Variants in TIMM29 observed in about 807,000 individuals in gnomAD.
TIMM29 encodes mitochondrial import inner membrane translocase subunit Tim29.
A neutral mutation model predicts 19.5 loss-of-function variants in TIMM29; 23 were observed. That is an observed-to-expected ratio of 1.18 (90% CI 0.85 to 1.67). The LOEUF (loss-of-function observed/expected upper bound fraction) is 1.67. Among genes scored for constraint, TIMM29 ranks in the 40% most tolerant of loss-of-function variants. The pLI, the probability that TIMM29 is intolerant of heterozygous loss-of-function variation, is 0.00. For synonymous variants in TIMM29, 209 were observed against 185.0 expected (o/e 1.13, Z -1.05); for missense variants, 404 against 384.7 (o/e 1.05, Z -0.42).
chr19:10,929,667 GC>G lies in TIMM29; in HGVS notation c.751del (p.His251ThrfsTer38). The G allele has an allele frequency of 6.2e-7, 1 of 1,611,552 alleles. No individual in the cohort carries two copies. The highest frequency in any genetic ancestry group is 8.5e-7 in the Non-Finnish European group (1 of 1,179,018). ...EKKDRLALSQ[A>X]HSLVQAEAPR ...GAAGGACAGGCTCGCCCTGAGCCAG[GC>G]CCACTCGCTGGTGCAGGCGGAGGCC... On this transcript the variant is annotated frameshift_variant, in exon 2 of 2. Coordinates refer to ENST00000270502, the MANE Select transcript of TIMM29 (RefSeq NM_138358.4). LOFTEE classifies it low-confidence loss of function (END_TRUNC).
Position 10,929,296 on chromosome 19 carries a change from A to C in TIMM29, c.377A>C (p.Asn126Thr). 2 of 1,544,798 alleles carry C rather than the reference A, an allele frequency of 1.3e-6. No individual in the cohort carries two copies. The highest frequency in any genetic ancestry group is 1.7e-6 in the Non-Finnish European group (2 of 1,149,458). ...GGCCGTGGCCGCCTGCGCTACGTCA[A>C]CCTGGGGCTCTGCTCGCTGGTGTAC... ...LRGRGRLRYV[N>T]LGLCSLVYEA... is the part of the protein sequence containing the mutation. The change falls in exon 2 of 2, where the codon AAC (asparagine) becomes ACC (threonine). Residue 126 changes from asparagine (N) to threonine (T), a missense_variant. By Grantham distance (65) the Asn-to-Thr change is moderately conservative. Coordinates refer to ENST00000270502, the MANE Select transcript of TIMM29 (RefSeq NM_138358.4).
At position 10,929,328 on chromosome 19, in the gene TIMM29, C is replaced by T; in HGVS notation, c.409C>T (p.Pro137Ser). 1.9e-6 allele frequency: 3 copies of T among 1,561,254 alleles called. No homozygotes were observed. Among genetic ancestry groups the T allele is most frequent in the Non-Finnish European group, 2.6e-6 (3 of 1,158,382 alleles). ...LGLCSLVYEA[P>S]FDAQASLYQA... ...GCTCTGCTCGCTGGTGTACGAGGCG[C>T]CCTTCGACGCCCAGGCCAGCCTCTA... Residue 137 changes from proline (P) to serine (S), a missense_variant, in exon 2 of 2, where the codon CCC becomes TCC. Pro to Ser is a moderately conservative substitution (Grantham distance 74). Transcript: ENST00000270502.
chr19:10,930,105 T>C lies in TIMM29; in HGVS notation c.*403T>C, dbSNP rs2145289742. On this transcript the variant is annotated 3_prime_UTR_variant, in exon 2 of 2. Transcript: ENST00000270502. ...TGGCCTGGCATGGTGATGTCTGTAA[T>C]CCCAGCAGTTTGCAAACTGAGGCAA... The C allele has an allele frequency of 6.0e-6, 1 of 166,234 alleles. No homozygotes were observed. The highest frequency in any genetic ancestry group is 1.3e-5 in the Non-Finnish European group (1 of 77,340). 10.3% of individuals were successfully genotyped at this position (166,234 alleles called of 1,614,324 possible).
In TIMM29 at chr19:10,929,362, G is replaced by A. The variant is rs201384798; in HGVS notation, c.443G>A (p.Arg148His). 1.3e-6 allele frequency: 2 copies of A among 1,592,076 alleles called. No homozygotes were observed. The highest frequency in any genetic ancestry group is 1.7e-5 in the Admixed American group (1 of 57,218). The change falls in exon 2 of 2, where the codon CGT (arginine) becomes CAT (histidine). Residue 148 changes from arginine (R) to histidine (H), a missense_variant. Coordinates refer to ENST00000270502, the MANE Select transcript of TIMM29 (RefSeq NM_138358.4). ...FDAQASLYQA[R>H]CRYLQPRWTD... is the part of the protein sequence containing the mutation. ...GCCCAGGCCAGCCTCTACCAGGCGCGTTGCCGCTACCTGCAGCCCCGCTGG... is the reference window on the plus strand; with the variant it reads ...GCCCAGGCCAGCCTCTACCAGGCGCATTGCCGCTACCTGCAGCCCCGCTGG...
At position 10,929,559 on chromosome 19, in the gene TIMM29, G is replaced by A. The variant is rs544129891; in HGVS notation, c.640G>A (p.Asp214Asn). The A allele has an allele frequency of 1.2e-6, 2 of 1,613,042 alleles. No individual in the cohort carries two copies. The highest frequency in any genetic ancestry group is 1.3e-5 in the African/African-American group (1 of 75,056). The change falls in exon 2 of 2, where the codon GAT (aspartate) becomes AAT (asparagine). Residue 214 changes from aspartate (D) to asparagine (N), a missense_variant. Physicochemically the swap from Asp to Asn is conservative, Grantham distance 23. Coordinates refer to ENST00000270502, the MANE Select transcript of TIMM29 (RefSeq NM_138358.4). Reference protein sequence around the residue: ...LHSETNERLFDEKYKPVVLTD... With the variant: ...LHSETNERLFNEKYKPVVLTD... ...TTCCGAGACCAACGAGCGGCTCTTC[G>A]ATGAGAAGTACAAGCCTGTCGTGCT...
rs762059274 is a variant in TIMM29 at position 10,929,502 on chromosome 19, C to T, written c.583C>T (p.His195Tyr). The change falls in exon 2 of 2, where the codon CAT becomes TAT. Residue 195 changes from histidine to tyrosine, a missense_variant. Physicochemically the swap from His to Tyr is moderately conservative, Grantham distance 83. Coordinates refer to ENST00000270502, the MANE Select transcript of TIMM29 (RefSeq NM_138358.4). Reference protein sequence around the residue: ...NDDEFLHLPAHLRVVGPQQLH... With the variant: ...NDDEFLHLPAYLRVVGPQQLH... Reference sequence around the variant, plus strand: ...CGACGAATTCCTGCACCTGCCGGCGCATTTGCGGGTGGTCGGGCCCCAGCA... The same window carrying T: ...CGACGAATTCCTGCACCTGCCGGCGTATTTGCGGGTGGTCGGGCCCCAGCA... 6.2e-7 allele frequency: 1 copy of T among 1,613,110 alleles called. No individual in the cohort carries two copies. Among genetic ancestry groups the T allele is most frequent in the South Asian group, 1.1e-5 (1 of 91,090 alleles).
rs2083471040 is a variant in TIMM29 at position 10,929,097 on chromosome 19, GC to G, written c.180del (p.Ala61LeufsTer187). 1.4e-6 allele frequency: 2 copies of G among 1,456,766 alleles called. No homozygotes were observed. Among genetic ancestry groups the G allele is most frequent in the Non-Finnish European group, 1.8e-6 (2 of 1,117,708 alleles). The allele number at this position is 1,456,766 out of a possible 1,614,324, so 90.2% of individuals were successfully genotyped here. A position where few individuals can be genotyped will look rare whatever the true frequency, so the allele number is the denominator to read the frequency against. ...SAEARARPGR[A>X]AVYVGLLGGA... The stretch of plus-strand genomic sequence containing the variant: ...GGAGGCTAGGGCCCGGCCGGGGCGC[GC>G]CGCTGTGTATGTGGGTCTGCTGGGC... On this transcript the variant is annotated frameshift_variant, in exon 2 of 2. Coordinates refer to ENST00000270502, the MANE Select transcript of TIMM29 (RefSeq NM_138358.4). LOFTEE classifies it high-confidence loss of function.
Position 10,929,164 on chromosome 19 carries a change from C to T in TIMM29, c.245C>T (p.Ala82Val). 1 of 1,455,398 alleles carries T rather than the reference C, an allele frequency of 6.9e-7. No homozygotes were observed. The highest frequency in any genetic ancestry group is 9.0e-7 in the Non-Finnish European group (1 of 1,114,580). The allele number at this position is 1,455,398 out of a possible 1,614,324, so 90.2% of individuals were successfully genotyped here. ...ACFTLAPSEG[A>V]FEEALLEASG... is the part of the protein sequence containing the mutation. ...TTCACGCTGGCGCCCAGCGAGGGTG[C>T]CTTCGAGGAGGCGCTGCTGGAGGCG... The change falls in exon 2 of 2, where the codon GCC becomes GTC. Residue 82 changes from alanine (A) to valine (V), a missense_variant. Coordinates refer to ENST00000270502, the MANE Select transcript of TIMM29 (RefSeq NM_138358.4).
chr19:10,928,963 G>A, intron 1 of TIMM29, 47 bp downstream of exon 1: 1 of 1,471,896 alleles, frequency 6.8e-7, no homozygotes, highest in Non-Finnish European at 8.9e-7. Flanking sequence ...CCGCGACAGG[G>A]TGGGTGGCCG....
chr19:10,929,641 A>G lies in TIMM29; in HGVS notation c.722A>G (p.Lys241Arg), dbSNP rs1442334300. The change falls in exon 2 of 2, where the codon AAG (lysine) becomes AGG (arginine). Residue 241 changes from lysine (K) to arginine (R), a missense_variant. Lys to Arg is a conservative substitution (Grantham distance 26). Transcript: ENST00000270502. Reference protein sequence around the residue: ...LWEEQVLQKEKKDRLALSQAH... With the variant: ...LWEEQVLQKERKDRLALSQAH... ...GAGGAGCAGGTCTTGCAGAAGGAGA[A>G]GAAGGACAGGCTCGCCCTGAGCCAG... 3 of 1,612,956 alleles carry G rather than the reference A, an allele frequency of 1.9e-6. No individual in the cohort carries two copies. In the Admixed American group the frequency reaches 5.0e-5, roughly 27 times the overall value.
chr19:10,929,084 C>T lies in TIMM29; in HGVS notation c.165C>T (p.Ala55=), dbSNP rs1197911830. 6.9e-7 allele frequency: 1 copy of T among 1,458,730 alleles called. No homozygotes were observed. Among genetic ancestry groups the T allele is most frequent in the Non-Finnish European group, 8.9e-7 (1 of 1,118,730 alleles). 90.4% of individuals were successfully genotyped at this position (1,458,730 alleles called of 1,614,324 possible). ...GGGACGCTTCGGCGGAGGCTAGGGCCCGGCCGGGGCGCGCCGCTGTGTATG... is the reference window on the plus strand; with the variant it reads ...GGGACGCTTCGGCGGAGGCTAGGGCTCGGCCGGGGCGCGCCGCTGTGTATG... ...ACRDASAEAR[A]RPGRAAVYVG... is the part of the protein sequence containing the mutation. Residue 55 remains alanine (A), a synonymous_variant, in exon 2 of 2, where the codon GCC becomes GCT. Transcript: ENST00000270502.
Position 10,929,273 on chromosome 19 carries a change from C to A in TIMM29, c.354C>A (p.Gly118=). 6.5e-7 allele frequency: 1 copy of A among 1,537,822 alleles called. No individual in the cohort carries two copies. The highest frequency in any genetic ancestry group is 8.7e-7 in the Non-Finnish European group (1 of 1,146,162). Residue 118 remains glycine (G), a synonymous_variant, in exon 2 of 2, where the codon GGC becomes GGA. Transcript: ENST00000270502. Reference sequence around the variant, plus strand: ...TGCAGAGGCTGCTCTGGCTGCGGGGCCGTGGCCGCCTGCGCTACGTCAACC... The same window carrying A: ...TGCAGAGGCTGCTCTGGCTGCGGGGACGTGGCCGCCTGCGCTACGTCAACC... ...AFVQRLLWLR[G]RGRLRYVNLG... is the part of the protein sequence containing the mutation.
At position 10,930,148 on chromosome 19, in the gene TIMM29, A is replaced by G. The variant is rs538038079; in HGVS notation, c.*446A>G. The G allele has an allele frequency of 4.4e-5, 7 of 158,534 alleles. No homozygotes were observed. Among genetic ancestry groups the G allele is most frequent in the African/African-American group, 1.4e-4 (6 of 41,728 alleles). The allele number at this position is 158,534 out of a possible 1,614,324, so 9.8% of individuals were successfully genotyped here. A position where few individuals can be genotyped will look rare whatever the true frequency, so the allele number is the denominator to read the frequency against. On this transcript the variant is annotated 3_prime_UTR_variant, in exon 2 of 2. Coordinates refer to ENST00000270502, the MANE Select transcript of TIMM29 (RefSeq NM_138358.4). ...TGAGGCAAGAGAATCGCTTGAGGCC[A>G]GGAGTTTGAGGCCAGCTAGAGTGAC...
In TIMM29 at chr19:10,929,939, CT is replaced by C. The variant is rs2083481781; in HGVS notation, c.*238del. 4 of 542,444 alleles carry C rather than the reference CT, an allele frequency of 7.4e-6. No individual in the cohort carries two copies. The highest frequency in any genetic ancestry group is 1.3e-5 in the Non-Finnish European group (4 of 305,976). The allele number at this position is 542,444 out of a possible 1,614,324, so 33.6% of individuals were successfully genotyped here. A position where few individuals can be genotyped will look rare whatever the true frequency, so the allele number is the denominator to read the frequency against. ...AGAACGACTTGACACATGTTCATCA[CT>C]GGCAGAGCTGGTCATGAGCCTTTTA... On this transcript the variant is annotated 3_prime_UTR_variant, in exon 2 of 2. Transcript: ENST00000270502.
At position 10,928,895 on chromosome 19, in the gene TIMM29, C is replaced by G. The variant is rs956296950; in HGVS notation, c.73C>G (p.Pro25Ala). Residue 25 changes from proline (P) to alanine (A), a missense_variant, in exon 1 of 2, where the codon CCG becomes GCG. Physicochemically the swap from Pro to Ala is conservative, Grantham distance 27. Transcript: ENST00000270502. ...AEAGDAVVAK[P>A]GVWARLGSWA... The stretch of plus-strand genomic sequence containing the variant: ...GGCGGGCGACGCGGTAGTGGCGAAG[C>G]CGGGAGTGTGGGCGCGGCTGGGTGA... 1 of 1,523,708 alleles carries G rather than the reference C, an allele frequency of 6.6e-7. No individual in the cohort carries two copies. Among genetic ancestry groups the G allele is most frequent in the Non-Finnish European group, 8.8e-7 (1 of 1,141,870 alleles). The allele number at this position is 1,523,708 out of a possible 1,614,324, so 94.4% of individuals were successfully genotyped here.
chr19:10,928,996 G>A lies in TIMM29; in HGVS notation c.95-18G>A, dbSNP rs780985635. The stretch of plus-strand genomic sequence containing the variant: ...CCGCCGCGGCCGGATCACTCTTACC[G>A]CGCTCCTCTCCCCTCAGGGTCCTGG... On this transcript the variant is annotated intron_variant, in intron 1 of 1. Coordinates refer to ENST00000270502, the MANE Select transcript of TIMM29 (RefSeq NM_138358.4). 62 of 1,461,806 alleles carry A rather than the reference G, an allele frequency of 4.2e-5. No homozygotes were observed. Among genetic ancestry groups the A allele is most frequent in the Non-Finnish European group, 5.2e-5 (58 of 1,122,218 alleles). 90.6% of individuals were successfully genotyped at this position (1,461,806 alleles called of 1,614,324 possible).
rs1166397424 is a variant in TIMM29, at chr19:10,929,189, G to T, written c.270G>T (p.Ala90=). The change falls in exon 2 of 2, where the codon GCG becomes GCT. Residue 90 remains alanine (A), a synonymous_variant. Coordinates refer to ENST00000270502, the MANE Select transcript of TIMM29 (RefSeq NM_138358.4). ...EGAFEEALLE[A]SGTLLLLAPA... is the part of the protein sequence containing the mutation. ...CCTTCGAGGAGGCGCTGCTGGAGGC[G>T]TCGGGGACCCTCCTGCTGCTGGCGC... The T allele has an allele frequency of 6.8e-7, 1 of 1,467,770 alleles. No homozygotes were observed. The highest frequency in any genetic ancestry group is 8.9e-7 in the Non-Finnish European group (1 of 1,118,058). The allele number at this position is 1,467,770 out of a possible 1,614,324, so 90.9% of individuals were successfully genotyped here.
rs1262037417 is a variant in TIMM29 at position 10,929,237 on chromosome 19, C to T, written c.318C>T (p.Ser106=). The change falls in exon 2 of 2, where the codon TCC becomes TCT. Residue 106 remains serine (S), a synonymous_variant. Transcript: ENST00000270502. ...LLAPATRNRE[S]EAFVQRLLWL... ...CGCCGGCCACCCGCAACCGCGAGTCCGAAGCCTTCGTGCAGAGGCTGCTCT... is the reference window on the plus strand; with the variant it reads ...CGCCGGCCACCCGCAACCGCGAGTCTGAAGCCTTCGTGCAGAGGCTGCTCT... The T allele has an allele frequency of 2.0e-6, 3 of 1,514,944 alleles. No individual in the cohort carries two copies. Among genetic ancestry groups the T allele is most frequent in the Non-Finnish European group, 2.6e-6 (3 of 1,135,832 alleles). 93.8% of individuals were successfully genotyped at this position (1,514,944 alleles called of 1,614,324 possible). A position where few individuals can be genotyped will look rare whatever the true frequency, so the allele number is the denominator to read the frequency against.
chr19:10,930,251 T>G lies in TIMM29; in HGVS notation c.*549T>G, dbSNP rs1245651113. ...AAAATTTGAGCTGAAATGTTTTTAT[T>G]CTATGACCTATTCTCTCTCGTTTTT... On this transcript the variant is annotated 3_prime_UTR_variant, in exon 2 of 2. Transcript: ENST00000270502. 1 of 151,928 alleles carries G rather than the reference T, an allele frequency of 6.6e-6. No homozygotes were observed. 9.4% of individuals were successfully genotyped at this position (151,928 alleles called of 1,614,324 possible).
Sources: gnomAD v4.1 joint callset for allele counts on GRCh38, gnomAD v4.1.1 for gene constraint, MANE v1.5 for transcripts, NCBI Gene and HGNC (gene_info 2026-07-23, HGNC 2026-07-21) for gene names.